MAGI1: variants seen among roughly 807,000 people sequenced by gnomAD.
MAGI1 encodes membrane-associated guanylate kinase, WW and PDZ domain-containing protein 1.
In MAGI1, 58 loss-of-function variants were observed where a neutral mutation model predicts 139.9. That is an observed-to-expected ratio of 0.41 (90% CI 0.34 to 0.52). MAGI1 has a LOEUF of 0.52. Among genes scored for constraint, MAGI1 ranks in the 20% least tolerant of loss-of-function variants. The probability of loss-of-function intolerance (pLI) is 0.12; values close to 1 mark genes in which losing one functional copy is unlikely to be tolerated. For missense variants in MAGI1, 1,874 were observed against 1,901.6 expected, an observed-to-expected ratio of 0.99 and a Z score of 0.27; for synonymous variants, 812 against 737.9, an observed-to-expected ratio of 1.10 and a Z score of -1.63.
At chr3:65,851,903 T>A (rs576371180) in intron 1 of MAGI1, among the ~76,000 whole-genome samples, 1 of 152,172 alleles carries the variant, frequency 6.6e-6, no homozygotes, top group Admixed American at 6.5e-5. Flanking sequence ...ATATGCATCA[T>A]AAGGAGGAAG....
intron 2 of MAGI1, among the ~76,000 whole-genome samples, chr3:65,565,199 A>C (rs1340870560): frequency 6.6e-6 from 1 of 152,204 alleles, no homozygotes; most frequent in Non-Finnish European, 1.5e-5. Flanking sequence ...GATTTAAGAC[A>C]TCTTTTTCCA....
intron 1 of MAGI1, among the ~76,000 whole-genome samples, chr3:65,799,604 T>A (rs1170932182): frequency 2.0e-5 from 3 of 152,172 alleles, no homozygotes; most frequent in Non-Finnish European, 2.9e-5. Flanking sequence ...AAGAGCAAAG[T>A]ATACTATAGA....
At chr3:65,941,516 T>C (rs1183349681) in intron 1 of MAGI1, among the ~76,000 whole-genome samples, 1 of 152,162 alleles carries the variant, frequency 6.6e-6, no homozygotes. Flanking sequence ...ATCCCTGGCC[T>C]CTACCCTGTA....
chr3:65,494,011 C>G (rs1215778554), intron 2 of MAGI1, among the ~76,000 whole-genome samples: 2 of 152,206 alleles, frequency 1.3e-5, no homozygotes, highest in Non-Finnish European at 2.9e-5. Flanking sequence ...CCACCTTAAG[C>G]TCAGAGCCTA....
chr3:65,934,374 G>A (rs1199958151), intron 1 of MAGI1, among the ~76,000 whole-genome samples: 1 of 151,830 alleles, frequency 6.6e-6, no homozygotes, highest in South Asian at 2.1e-4. Context: ...TAGGATTATA[G>A]GCATGATTCT....
At position 65,391,114 on chromosome 3, in the gene MAGI1, G is replaced by A. The variant is rs189551458; in HGVS notation, c.2416+28C>T. 8 of 1,599,688 alleles carry A rather than the reference G, an allele frequency of 5.0e-6. No homozygotes were observed. In the Admixed American group the frequency reaches 1.2e-4, roughly 23 times the overall value. The stretch of plus-strand genomic sequence containing the variant: ...GGTAGAGCCCTGCGGAGGGGTCAGG[G>A]TAAGACAGAGGCCAGGATGCTACTC... On this transcript the variant is annotated intron_variant, in intron 14 of 22. Coordinates refer to ENST00000402939, the MANE Select transcript of MAGI1 (RefSeq NM_001033057.2).
At chr3:65,729,667 T>C (rs2033987651) in intron 1 of MAGI1, among the ~76,000 whole-genome samples, 1 of 152,122 alleles carries the variant, frequency 6.6e-6, no homozygotes, top group African/African-American at 2.4e-5. Context: ...CTGGAACCCA[T>C]CTTTGAAGCT....
intron 13 of MAGI1, among the ~76,000 whole-genome samples, chr3:65,401,050 C>T (rs964053958): frequency 6.6e-6 from 1 of 151,990 alleles, no homozygotes; most frequent in African/African-American, 2.4e-5. Flanking sequence ...CAGTTGAGAG[C>T]AATGCTACTC....
At chr3:65,778,657 C>A (rs1028207535) in intron 1 of MAGI1, among the ~76,000 whole-genome samples, 1 of 152,148 alleles carries the variant, frequency 6.6e-6, no homozygotes, top group Non-Finnish European at 1.5e-5. Context: ...GGTCAAAGAG[C>A]CACAGTTCAA....
At chr3:65,934,131 A>T (rs1315256625) in intron 1 of MAGI1, among the ~76,000 whole-genome samples, 1 of 152,200 alleles carries the variant, frequency 6.6e-6, no homozygotes, top group African/African-American at 2.4e-5. Context: ...TCAAACAAAA[A>T]ACAAAAACAA....
At chr3:65,540,769 C>T (rs1026188901) in intron 2 of MAGI1, among the ~76,000 whole-genome samples, 1 of 152,190 alleles carries the variant, frequency 6.6e-6, no homozygotes. Context: ...AATCATTCTT[C>T]CTTCACTGGT....
intron 1 of MAGI1, among the ~76,000 whole-genome samples, chr3:65,979,857 T>C (rs2065474396): frequency 6.6e-6 from 1 of 152,186 alleles, no homozygotes; most frequent in Non-Finnish European, 1.5e-5. Context: ...CTCAATAAAC[T>C]GTGAGCTCAG....
intron 1 of MAGI1, among the ~76,000 whole-genome samples, chr3:65,981,101 C>T (rs1339479714): frequency 2.1e-5 from 3 of 143,814 alleles, no homozygotes; most frequent in Non-Finnish European, 3.0e-5. Context: ...GCGGAGGTTG[C>T]AGATCACGCC....
chr3:65,756,998 T>C (rs2036614116), intron 1 of MAGI1, among the ~76,000 whole-genome samples: 1 of 152,222 alleles, frequency 6.6e-6, no homozygotes, highest in African/African-American at 2.4e-5. Context: ...ATAATTCTTT[T>C]CAGACACTTA....
At chr3:65,857,968 G>A (rs1286076915) in intron 1 of MAGI1, among the ~76,000 whole-genome samples, 2 of 152,078 alleles carry the variant, frequency 1.3e-5, no homozygotes, top group African/African-American at 2.4e-5. Flanking sequence ...ATTCTAGCCT[G>A]GTATGGTGCT....
At position 65,623,259 on chromosome 3, in the gene MAGI1, G is replaced by A. The variant is rs1234523452; in HGVS notation, c.314-1171C>T. ...AAATGTATGTTGCTTTTTGGTTGTT[G>A]TTGTTGTTGTTATTGTTAAGCATAG... On this transcript the variant is annotated intron_variant, in intron 1 of 22. Transcript: ENST00000402939. 4.6e-5 allele frequency among the ~76,000 whole-genome samples: 7 copies of A among 152,154 alleles called. No homozygotes were observed. The South Asian group carries it at 1.2e-3, about 27-fold the overall frequency.
At chr3:65,743,141 T>C (rs1246795799) in intron 1 of MAGI1, among the ~76,000 whole-genome samples, 1 of 152,010 alleles carries the variant, frequency 6.6e-6, no homozygotes, top group Non-Finnish European at 1.5e-5. Context: ...CATCTCATTA[T>C]CACTCTTGAG....
intron 14 of MAGI1, among the ~76,000 whole-genome samples, chr3:65,384,732 CAAAT>C (rs1352488182): frequency 1.3e-5 from 2 of 151,356 alleles, no homozygotes; most frequent in African/African-American, 2.4e-5. Flanking sequence ...GACCCTGTCT[CAAAT>C]AAATAAACAA....
At chr3:65,798,905 A>G (rs768015262) in intron 1 of MAGI1, among the ~76,000 whole-genome samples, 4 of 152,096 alleles carry the variant, frequency 2.6e-5, no homozygotes, top group Non-Finnish European at 5.9e-5. Flanking sequence ...TACCCCGTAT[A>G]CCCTCACCAC....
Sources: gnomAD v4.1 joint callset for allele counts (sites outside exome capture counted in the v4.1 genomes callset) on GRCh38, gnomAD v4.1.1 for gene constraint, MANE v1.5 for transcripts, NCBI Gene and HGNC (gene_info 2026-07-23, HGNC 2026-07-21) for gene names.